The following SEL1L3 variants were observed in gnomAD, a reference collection of about 807,000 sequenced individuals.
SEL1L3 encodes the protein SEL1L family member 3.
Under a neutral mutation model 142.8 loss-of-function variants are expected in SEL1L3, and 76 were observed. The ratio of observed to expected loss-of-function variants is 0.53; its 90% confidence interval spans 0.44 to 0.64. SEL1L3 has a LOEUF of 0.64. Among genes scored for constraint, SEL1L3 ranks in the 30% least tolerant of loss-of-function variants. The probability of loss-of-function intolerance (pLI) is 0.00; values close to 1 mark genes in which losing one functional copy is unlikely to be tolerated. For missense variants in SEL1L3, 1,262 were observed against 1,381.7 expected (o/e 0.91, Z 1.37); for synonymous variants, 504 against 519.6 (o/e 0.97, Z 0.41).
intron 11 of SEL1L3, among the ~76,000 whole-genome samples, chr4:25,797,117 GAGA>G (rs771901215): frequency 5.3e-5 from 8 of 150,470 alleles, no homozygotes; most frequent in East Asian, 1.9e-4. Context: ...AAGAGAGAAA[GAGA>G]AGGAGGGAGA....
At chr4:25,733,590 G>A in the SEL1L3 span, among the ~76,000 whole-genome samples, 3 of 142,880 alleles carry the variant, frequency 2.1e-5, no homozygotes, top group Admixed American at 7.5e-5. Flanking sequence ...GCGCAATCTC[G>A]GCTCACTGCA....
intron 11 of SEL1L3, among the ~76,000 whole-genome samples, chr4:25,792,891 T>C (rs1224712252): frequency 6.6e-6 from 1 of 152,212 alleles, no homozygotes; most frequent in African/African-American, 2.4e-5. Context: ...TTTCTCCTTG[T>C]TTTGTTTCCT....
At chr4:25,754,666 G>A (rs534002813) in intron 23 of SEL1L3, among the ~76,000 whole-genome samples, 1 of 151,978 alleles carries the variant, frequency 6.6e-6, no homozygotes, top group Admixed American at 6.5e-5. Flanking sequence ...ACAGCAGTGT[G>A]GGCATCATCT....
At chr4:25,804,318 TCCC>T (rs948816901) in intron 10 of SEL1L3, among the ~76,000 whole-genome samples, 2 of 152,172 alleles carry the variant, frequency 1.3e-5, no homozygotes, top group Non-Finnish European at 2.9e-5. Flanking sequence ...ACACCAATCA[TCCC>T]CCCAAGGCCT....
chr4:25,851,628 C>T (rs1024142558), intron 1 of SEL1L3, among the ~76,000 whole-genome samples: 1 of 151,934 alleles, frequency 6.6e-6, no homozygotes, highest in Admixed American at 6.6e-5. Context: ...TGGTGGATCA[C>T]GCCTGTAATC....
Position 25,847,575 on chromosome 4 carries a change from G to A in SEL1L3, c.452C>T (p.Pro151Leu). Residue 151 changes from proline (P) to leucine (L), a missense_variant, in exon 2 of 24, where the codon CCA becomes CTA. Transcript: ENST00000399878. ...ATCATCTCTGTAAACCATAATGCTT[G>A]GAAATTTCACATGTACTATTTGTGT... ...SRTQIVHVKF[P>L]SIMVYRDDYF... The A allele has an allele frequency of 6.2e-7, 1 of 1,613,950 alleles. No homozygotes were observed. Among genetic ancestry groups the A allele is most frequent in the Non-Finnish European group, 8.5e-7 (1 of 1,179,882 alleles).
At chr4:25,736,242 T>TGTGTGA in the SEL1L3 span, among the ~76,000 whole-genome samples, 19 of 150,556 alleles carry the variant, frequency 1.3e-4, no homozygotes, top group African/African-American at 4.4e-4. Flanking sequence ...TGTGTGTGTG[T>TGTGTGA]GATGGAGTTT....
chr4:25,787,383 C>T (rs151150327), intron 13 of SEL1L3, among the ~76,000 whole-genome samples: 13,173 of 152,160 alleles, frequency 0.087, 647 homozygotes, highest in South Asian at 0.19. Flanking sequence ...TGCAGTGGCA[C>T]GATCTTGGCT....
rs1033785678 is a variant in SEL1L3, at chr4:25,835,536, A to C, written c.734-213T>G. 2.0e-5 allele frequency among the ~76,000 whole-genome samples: 3 copies of C among 152,240 alleles called. No individual in the cohort carries two copies. In the South Asian group the frequency reaches 6.2e-4, roughly 32 times the overall value. ...ATTACTTTTCATAACAACTCTGTGA[A>C]GTAGATTCTATTATTAGTTCCATTC... On this transcript the variant is annotated intron_variant, in intron 2 of 23. Coordinates refer to ENST00000399878, the MANE Select transcript of SEL1L3 (RefSeq NM_015187.5).
rs1717844397 is a variant in SEL1L3 at position 25,862,972 on chromosome 4, C to G, written c.-136G>C. The G allele has an allele frequency of 1.4e-5, 6 of 429,994 alleles. No homozygotes were observed. The South Asian group carries it at 5.4e-4, about 38-fold the overall frequency. 26.6% of individuals were successfully genotyped at this position (429,994 alleles called of 1,614,324 possible). ...GGGCCACCTGCCGCCACCTCCGGAC[C>G]CGCCGCCGCCGCCACTGCCGCTCCC... On this transcript the variant is annotated 5_prime_UTR_variant, in exon 1 of 24. Transcript: ENST00000399878.
At chr4:25,779,253 C>T (rs769794371) in intron 15 of SEL1L3, 50 bp from the exon 16 acceptor site, 17 of 1,604,482 alleles carry the variant, frequency 1.1e-5, no homozygotes, top group Admixed American at 8.4e-5. Context: ...GGGCTGGTTT[C>T]GCCAGAGACA....
chr4:25,802,600 G>A, intron 10 of SEL1L3, 138 bp from the exon 11 acceptor site: 1 of 731,106 alleles, frequency 1.4e-6, no homozygotes, highest in Non-Finnish European at 2.2e-6. Flanking sequence ...CTTTTTTTTT[G>A]AGACGGAGCC....
intron 9 of SEL1L3, among the ~76,000 whole-genome samples, chr4:25,812,010 T>A (rs938828417): frequency 1.3e-5 from 2 of 152,236 alleles, no homozygotes; most frequent in African/African-American, 4.8e-5. Context: ...ATCCTACATG[T>A]GTCTCCGTCG....
chr4:25,721,985 C>T, the SEL1L3 span, among the ~76,000 whole-genome samples: 53,060 of 151,924 alleles, frequency 0.35, 10,692 homozygotes, highest in African/African-American at 0.56. Flanking sequence ...TGGGGGTCTG[C>T]GAATTAAAGT....
chr4:25,818,740 T>C (rs1185154064), intron 8 of SEL1L3, among the ~76,000 whole-genome samples: 7 of 152,228 alleles, frequency 4.6e-5, no homozygotes, highest in African/African-American at 1.7e-4. Context: ...TTCTTTCCTC[T>C]TTGGGTTATT....
At chr4:25,775,897 T>C (rs982411657) in intron 17 of SEL1L3, among the ~76,000 whole-genome samples, 2 of 152,132 alleles carry the variant, frequency 1.3e-5, no homozygotes, top group Non-Finnish European at 2.9e-5. Flanking sequence ...AGGAACAAGG[T>C]AGAAATTCTG....
At chr4:25,829,254 T>C (rs1401908961) in intron 6 of SEL1L3, among the ~76,000 whole-genome samples, 1 of 152,240 alleles carries the variant, frequency 6.6e-6, no homozygotes, top group Admixed American at 6.5e-5. Context: ...ATTACAGGCG[T>C]GAGCCAACAC....
rs761369862 is a variant in SEL1L3 at position 25,835,313 on chromosome 4, G to A, written c.744C>T (p.Ala248=). ...TGGAGGCATAAGGAAAGCCAAGCAG[G>A]GCAACCACATCTGCAAACAGCAAAA... ...PQCPLENDVV[A]LLGFPYASSG... is the part of the protein sequence containing the mutation. Residue 248 remains alanine, a synonymous_variant, in exon 3 of 24, where the codon GCC becomes GCT. Transcript: ENST00000399878. 3 of 1,613,680 alleles carry A rather than the reference G, an allele frequency of 1.9e-6. No individual in the cohort carries two copies. The East Asian group carries it at 6.7e-5, about 36-fold the overall frequency.
rs752457448 is a variant in SEL1L3, at chr4:25,790,380, G to C, written c.2076+75C>G. On this transcript the variant is annotated intron_variant, in intron 12 of 23. Coordinates refer to ENST00000399878, the MANE Select transcript of SEL1L3 (RefSeq NM_015187.5). ...ATTATTTTAAGCCACTGCAGTTTGA[G>C]ATGTTTCATTACCACGGTATAACCC... 7.8e-6 allele frequency: 11 copies of C among 1,413,266 alleles called. No individual in the cohort carries two copies. The Admixed American group carries it at 1.5e-4, about 20-fold the overall frequency. 87.5% of individuals were successfully genotyped at this position (1,413,266 alleles called of 1,614,324 possible).
Sources: gnomAD v4.1 joint callset for allele counts (sites outside exome capture counted in the v4.1 genomes callset) on GRCh38, gnomAD v4.1.1 for gene constraint, MANE v1.5 for transcripts, NCBI Gene and HGNC (gene_info 2026-07-23, HGNC 2026-07-21) for gene names.